Variants in LINGO2 observed in about 807,000 individuals in gnomAD.
LINGO2 encodes the protein leucine rich repeat and Ig domain containing 2, also known as leucine-rich repeat and immunoglobulin-like domain-containing nogo receptor-interacting protein 2.
In LINGO2, 14 loss-of-function variants were observed where a neutral mutation model predicts 30.6. That is an observed-to-expected ratio of 0.46 (90% CI 0.30 to 0.72). The LOEUF is 0.72. LINGO2 is among the 30% of genes least tolerant of loss of function. The probability of loss-of-function intolerance (pLI) is 0.07; values close to 1 mark genes in which losing one functional copy is unlikely to be tolerated. For missense variants in LINGO2, 729 were observed against 751.7 expected (o/e 0.97, Z 0.35); for synonymous variants, 317 against 288.5 (o/e 1.10, Z -1.00).
At chr9:29,196,992 T>C in the LINGO2 span, among the ~76,000 whole-genome samples, 1 of 152,076 alleles carries the variant, frequency 6.6e-6, no homozygotes. Flanking sequence ...TACCTTCTTT[T>C]TTAAATTTTA....
chr9:29,093,082 G>A, the LINGO2 span, among the ~76,000 whole-genome samples: 3 of 126,008 alleles, frequency 2.4e-5, 1 homozygote, highest in Non-Finnish European at 5.0e-5. Context: ...CAGAGAGAGG[G>A]ACAGAGAGAG....
chr9:29,151,386 C>G, the LINGO2 span, among the ~76,000 whole-genome samples: 8 of 152,222 alleles, frequency 5.3e-5, no homozygotes, highest in Admixed American at 2.0e-4. Context: ...ATGACAGGAT[C>G]AAAAGCTATT....
At chr9:29,013,457 A>G in the LINGO2 span, among the ~76,000 whole-genome samples, 1 of 152,000 alleles carries the variant, frequency 6.6e-6, no homozygotes, top group Non-Finnish European at 1.5e-5. Flanking sequence ...CTAGATTAGC[A>G]TAGACCATCC....
At chr9:28,543,357 AC>A (rs1326721297) in intron 1 of LINGO2, among the ~76,000 whole-genome samples, 1 of 152,076 alleles carries the variant, frequency 6.6e-6, no homozygotes, top group South Asian at 2.1e-4. Flanking sequence ...TCTACTTGTT[AC>A]CCCTTTTTCA....
At chr9:28,035,460 CT>C (rs1823883731) in intron 4 of LINGO2, among the ~76,000 whole-genome samples, 1 of 152,180 alleles carries the variant, frequency 6.6e-6, no homozygotes, top group Non-Finnish European at 1.5e-5. Context: ...AATACTGCTT[CT>C]GGTATGCTAC....
the LINGO2 span, among the ~76,000 whole-genome samples, chr9:28,733,537 G>A: frequency 6.6e-5 from 10 of 152,138 alleles, no homozygotes; most frequent in African/African-American, 2.2e-4. Flanking sequence ...ACGCTAGTGT[G>A]CTTGTCCATC....
chr9:28,536,630 G>A (rs1821448313), intron 1 of LINGO2, among the ~76,000 whole-genome samples: 1 of 152,182 alleles, frequency 6.6e-6, no homozygotes, highest in Admixed American at 6.5e-5. Flanking sequence ...TATTTTCAGT[G>A]TATTCTAATT....
At chr9:28,816,848 GAATT>G in the LINGO2 span, among the ~76,000 whole-genome samples, 1 of 152,082 alleles carries the variant, frequency 6.6e-6, no homozygotes, top group African/African-American at 2.4e-5. Context: ...ATCAGTAATA[GAATT>G]AATAAAAGAG....
At chr9:28,162,540 A>G (rs1000333760) in intron 4 of LINGO2, among the ~76,000 whole-genome samples, 1 of 152,162 alleles carries the variant, frequency 6.6e-6, no homozygotes, top group Non-Finnish European at 1.5e-5. Context: ...CTCTCCAATG[A>G]AGGATAAAAT....
chr9:29,191,495 T>A, the LINGO2 span, among the ~76,000 whole-genome samples: 1 of 152,198 alleles, frequency 6.6e-6, no homozygotes, highest in Non-Finnish European at 1.5e-5. Flanking sequence ...GCAATGATTT[T>A]AAATAACCAT....
the LINGO2 span, among the ~76,000 whole-genome samples, chr9:28,747,373 A>G: frequency 6.6e-6 from 1 of 151,994 alleles, no homozygotes; most frequent in South Asian, 2.1e-4. Flanking sequence ...CCACCACTCA[A>G]TAAAACCCCC....
the LINGO2 span, among the ~76,000 whole-genome samples, chr9:28,708,034 A>AT: frequency 3.9e-5 from 6 of 152,120 alleles, no homozygotes; most frequent in Non-Finnish European, 8.8e-5. Context: ...TTCTCAGTGT[A>AT]TTTTTTTAAC....
chr9:28,753,343 G>A, the LINGO2 span, among the ~76,000 whole-genome samples: 1 of 152,140 alleles, frequency 6.6e-6, no homozygotes, highest in East Asian at 1.9e-4. Flanking sequence ...TTACAGAAAA[G>A]TATTTCGTTC....
chr9:29,090,593 G>T, the LINGO2 span, among the ~76,000 whole-genome samples: 1 of 151,760 alleles, frequency 6.6e-6, no homozygotes, highest in African/African-American at 2.4e-5. Flanking sequence ...TCATAAGATG[G>T]GAGATCTTAA....
chr9:28,562,392 C>T (rs1029212331), intron 1 of LINGO2, among the ~76,000 whole-genome samples: 14 of 101,554 alleles, frequency 1.4e-4, no homozygotes, highest in African/African-American at 5.4e-4. Context: ...TGTATAAAGT[C>T]AAAATGAATG....
chr9:29,172,072 A>AAG, the LINGO2 span, among the ~76,000 whole-genome samples: 2 of 151,940 alleles, frequency 1.3e-5, no homozygotes, highest in African/African-American at 4.8e-5. Context: ...GCAGTTGAGA[A>AAG]AGTCTCTCTT....
chr9:28,222,702 A>C (rs1029729862), intron 4 of LINGO2, among the ~76,000 whole-genome samples: 2 of 152,214 alleles, frequency 1.3e-5, no homozygotes, highest in Non-Finnish European at 2.9e-5. Context: ...CAAAACACTG[A>C]ATAAAATGAG....
the LINGO2 span, among the ~76,000 whole-genome samples, chr9:29,037,609 A>C: frequency 6.6e-6 from 1 of 151,992 alleles, no homozygotes; most frequent in East Asian, 1.9e-4. Flanking sequence ...ATATTATCCA[A>C]TTGGAATGCA....
the LINGO2 span, among the ~76,000 whole-genome samples, chr9:28,835,021 T>C: frequency 2.0e-5 from 3 of 152,242 alleles, no homozygotes; most frequent in East Asian, 3.9e-4. Flanking sequence ...GCCAAACAGG[T>C]AGAATTTTGC....
Sources: gnomAD v4.1 joint callset for allele counts (sites outside exome capture counted in the v4.1 genomes callset) on GRCh38, gnomAD v4.1.1 for gene constraint, MANE v1.5 for transcripts, NCBI Gene and HGNC (gene_info 2026-07-23, HGNC 2026-07-21) for gene names.